Variants in CERS3 observed in about 807,000 individuals in gnomAD.
CERS3 encodes the protein ceramide synthase 3, also known as LAG1 homolog, ceramide synthase 3.
CERS3 carries 33 observed loss-of-function variants against 50.3 expected under a neutral mutation model. That is an observed-to-expected ratio of 0.66 (90% confidence interval 0.50 to 0.88). CERS3 has a LOEUF of 0.88. Ranked by LOEUF, CERS3 falls within the 40% of genes least tolerant of loss-of-function variation. The pLI is 0.00. For missense variants in CERS3, 470 were observed against 460.3 expected, an observed-to-expected ratio of 1.02 and a Z score of -0.19; for synonymous variants, 176 against 155.2, an observed-to-expected ratio of 1.13 and a Z score of -0.99.
intron 11 of CERS3, among the ~76,000 whole-genome samples, chr15:100,448,100 C>T (rs1230803365): frequency 1.3e-5 from 2 of 152,162 alleles, no homozygotes; most frequent in Non-Finnish European, 2.9e-5. Flanking sequence ...TAAAAATAAA[C>T]ATAAGGCTCT....
intron 2 of CERS3, chr15:100,503,978 G>C (rs1036353278): frequency 9.2e-6 from 3 of 325,354 alleles, no homozygotes; most frequent in African/African-American, 6.6e-5. Context: ...GAGGGTAATG[G>C]GAAGACTAGA....
intron 4 of CERS3, among the ~76,000 whole-genome samples, chr15:100,488,837 C>T (rs991217630): frequency 4.0e-5 from 6 of 149,402 alleles, no homozygotes; most frequent in African/African-American, 1.5e-4. Flanking sequence ...ACTGTGGTGG[C>T]GCAATCTTGG....
At chr15:100,442,275 A>T (rs2033714563) in intron 11 of CERS3, among the ~76,000 whole-genome samples, 1 of 152,210 alleles carries the variant, frequency 6.6e-6, no homozygotes, top group Non-Finnish European at 1.5e-5. Context: ...GGGCCGTCTT[A>T]TTCTCAATAT....
At chr15:100,500,953 CA>C (rs2035978932) in intron 3 of CERS3, among the ~76,000 whole-genome samples, 1 of 152,080 alleles carries the variant, frequency 6.6e-6, no homozygotes, top group African/African-American at 2.4e-5. Context: ...CTCTTTGCTC[CA>C]AATAAATTAA....
rs781672310 is a variant in CERS3 at position 100,490,859 on chromosome 15, G to A, written c.246C>T (p.Val82=). 1.7e-5 allele frequency: 27 copies of A among 1,612,360 alleles called. No homozygotes were observed. In the Middle Eastern group the frequency reaches 4.9e-4, roughly 30 times the overall value. ...ETVRKVTPNT[V]LENFFKHSTR... ...TGGAATGTTTGAAAAAATTCTCTAA[G>A]ACAGTATTTGGTGTAACCTTTCGAA... is the stretch of plus-strand genomic sequence containing the variant. Residue 82 remains valine (V), a synonymous_variant, in exon 4 of 12, where the codon GTC becomes GTT. Coordinates refer to ENST00000679737, the MANE Select transcript of CERS3 (RefSeq NM_001378789.1).
chr15:100,424,102 C>T (rs1008706155), intron 11 of CERS3, among the ~76,000 whole-genome samples: 2 of 152,096 alleles, frequency 1.3e-5, no homozygotes, highest in Admixed American at 1.3e-4. Flanking sequence ...CCACCATGCT[C>T]AGCTAATTTT....
intron 11 of CERS3, among the ~76,000 whole-genome samples, chr15:100,437,481 C>G (rs2033472880): frequency 6.6e-6 from 1 of 152,148 alleles, no homozygotes; most frequent in African/African-American, 2.4e-5. Context: ...TGGCAAAAGA[C>G]AGCTTAGAAA....
At chr15:100,512,889 G>A (rs902433630) in intron 2 of CERS3, among the ~76,000 whole-genome samples, 2 of 152,164 alleles carry the variant, frequency 1.3e-5, no homozygotes, top group Non-Finnish European at 2.9e-5. Flanking sequence ...GTGATGACTT[G>A]AGGTTTCAGG....
At chr15:100,431,864 G>A (rs992080300) in intron 11 of CERS3, among the ~76,000 whole-genome samples, 3 of 152,160 alleles carry the variant, frequency 2.0e-5, no homozygotes, top group Non-Finnish European at 4.4e-5. Flanking sequence ...CATGTAACAA[G>A]CTAGCAACAC....
intron 11 of CERS3, among the ~76,000 whole-genome samples, chr15:100,423,122 A>T (rs2032572878): frequency 6.7e-6 from 1 of 149,658 alleles, no homozygotes; most frequent in Admixed American, 6.7e-5. Context: ...AAAATAACAG[A>T]TTTTGGCAAT....
intron 2 of CERS3, among the ~76,000 whole-genome samples, chr15:100,507,668 A>G (rs113279364): frequency 1.2e-4 from 19 of 152,334 alleles, no homozygotes; most frequent in African/African-American, 4.6e-4. Context: ...CCAGGTGTGA[A>G]GTTGGTACGA....
chr15:100,492,391 G>A (rs1240012350), intron 3 of CERS3, among the ~76,000 whole-genome samples: 1 of 152,168 alleles, frequency 6.6e-6, no homozygotes, highest in Non-Finnish European at 1.5e-5. Context: ...CTGTTGCTAA[G>A]TGTGTATATG....
intron 11 of CERS3, among the ~76,000 whole-genome samples, chr15:100,435,526 G>A (rs187646130): frequency 1.8e-4 from 27 of 152,288 alleles, no homozygotes; most frequent in Admixed American, 1.5e-3. Context: ...AGCCCTAGAA[G>A]AAAACCTAGG....
chr15:100,442,425 G>T (rs557846178), intron 11 of CERS3, among the ~76,000 whole-genome samples: 22 of 152,282 alleles, frequency 1.4e-4, no homozygotes, highest in African/African-American at 3.4e-4. Context: ...AAGTAACAAT[G>T]TATTTCTGAG....
At chr15:100,518,622 C>T (rs200628825) in intron 2 of CERS3, among the ~76,000 whole-genome samples, 3 of 152,186 alleles carry the variant, frequency 2.0e-5, no homozygotes, top group East Asian at 1.9e-4. Flanking sequence ...ACAATTTTCA[C>T]GTCATCTCTC....
chr15:100,488,644 A>G (rs1478585871), intron 4 of CERS3, among the ~76,000 whole-genome samples: 1 of 152,168 alleles, frequency 6.6e-6, no homozygotes, highest in African/African-American at 2.4e-5. Context: ...TTGCTGGCCA[A>G]ATTATTGTTA....
chr15:100,493,038 C>A (rs936949912), intron 3 of CERS3, among the ~76,000 whole-genome samples: 1 of 152,112 alleles, frequency 6.6e-6, no homozygotes. Context: ...CTGATCAACA[C>A]AGATTTAGAT....
chr15:100,416,733 T>C (rs1046832238), intron 11 of CERS3, among the ~76,000 whole-genome samples: 3 of 152,108 alleles, frequency 2.0e-5, no homozygotes, highest in East Asian at 3.9e-4. Flanking sequence ...CATGGTCCAA[T>C]CACTTCCCAA....
intron 11 of CERS3, among the ~76,000 whole-genome samples, chr15:100,443,245 G>A (rs1027167500): frequency 3.7e-3 from 547 of 149,752 alleles, no homozygotes; most frequent in African/African-American, 0.011. Flanking sequence ...CCATCTCATT[G>A]AAACCTAATC....
Sources: allele counts gnomAD v4.1 joint callset (sites outside exome capture counted in the v4.1 genomes callset), GRCh38; gene constraint gnomAD v4.1.1; transcripts MANE v1.5; gene names NCBI Gene and HGNC (gene_info 2026-07-23, HGNC 2026-07-21).